The following RBM20 variants were observed in gnomAD, a reference collection of about 807,000 sequenced individuals.
The protein encoded by RBM20 is RNA binding motif protein 20.
RBM20 carries 51 observed loss-of-function variants against 110.1 expected under a neutral mutation model. That is an observed-to-expected ratio of 0.46 (90% CI 0.37 to 0.59). The LOEUF (loss-of-function observed/expected upper bound fraction) is 0.59, where lower values mean the gene tolerates loss of function less well. Among genes scored for constraint, RBM20 ranks in the 20% least tolerant of loss-of-function variants. RBM20 has a pLI of 0.00. For synonymous variants in RBM20, 589 were observed against 618.2 expected (o/e 0.95, Z 0.70); for missense variants, 1,512 against 1,574.9 (o/e 0.96, Z 0.68).
intron 1 of RBM20, among the ~76,000 whole-genome samples, chr10:110,684,119 G>T (rs1232133909): frequency 1.3e-5 from 2 of 152,194 alleles, no homozygotes; most frequent in African/African-American, 4.8e-5. Context: ...TTTGGGATGG[G>T]CGCAGTGGCT....
intron 1 of RBM20, among the ~76,000 whole-genome samples, chr10:110,702,395 G>C (rs1862772744): frequency 6.6e-6 from 1 of 152,188 alleles, no homozygotes; most frequent in Admixed American, 6.5e-5. Flanking sequence ...AATTTGCTGA[G>C]TGAGATGGTA....
intron 1 of RBM20, among the ~76,000 whole-genome samples, chr10:110,682,858 T>C (rs7087576): frequency 0.94 from 142,749 of 152,336 alleles, 67,590 homozygotes; most frequent in East Asian, 1. Flanking sequence ...AGCTTGCCTA[T>C]AATAGTTATC....
chr10:110,767,281 G>C (rs1564839770), intron 1 of RBM20, among the ~76,000 whole-genome samples: 1 of 142,426 alleles, frequency 7.0e-6, no homozygotes. Context: ...CTTCCCAGTA[G>C]GGGCGGCCGG....
intron 1 of RBM20, among the ~76,000 whole-genome samples, chr10:110,757,916 T>G (rs774268267): frequency 7.3e-5 from 11 of 151,440 alleles, no homozygotes; most frequent in Non-Finnish European, 1.3e-4. Flanking sequence ...TAGACCCTAC[T>G]GTGAGTTGTT....
intron 12 of RBM20, among the ~76,000 whole-genome samples, chr10:110,825,206 C>A (rs1590703898): frequency 6.6e-6 from 1 of 152,170 alleles, no homozygotes; most frequent in Non-Finnish European, 1.5e-5. Flanking sequence ...GAAGAGAGGG[C>A]TCCTTCATGC....
In RBM20 at chr10:110,812,506, G is replaced by C. The variant is rs988797559; in HGVS notation, c.2109G>C (p.Arg703Ser). ...ACAACGGAGATGACAAGAGGGACAG[G>C]ATGGACCCCTGGGCACATGATCGCA... ...WRDNGDDKRD[R>S]MDPWAHDRKH... Residue 703 changes from arginine to serine, a missense_variant, in exon 9 of 14, where the codon AGG (arginine) becomes AGC (serine). Around this residue, in one of 3 missense-constraint regions of RBM20, gnomAD observed 1,149 missense variants for 1,169.4 expected, o/e 0.98. Transcript: ENST00000369519. 3 of 1,551,608 alleles carry C rather than the reference G, an allele frequency of 1.9e-6. No homozygotes were observed. In the African/African-American group the frequency reaches 4.1e-5, roughly 21 times the overall value.
intron 1 of RBM20, among the ~76,000 whole-genome samples, chr10:110,687,944 G>C (rs576796979): frequency 6.6e-6 from 1 of 151,572 alleles, no homozygotes; most frequent in East Asian, 1.9e-4. Flanking sequence ...CAACATCCTA[G>C]AAGTCCTCCT....
chr10:110,707,115 G>A (rs1019952832), intron 1 of RBM20, among the ~76,000 whole-genome samples: 3 of 152,140 alleles, frequency 2.0e-5, no homozygotes, highest in Non-Finnish European at 4.4e-5. Flanking sequence ...AAGTGATAAG[G>A]CTTTCTTTTC....
intron 7 of RBM20, among the ~76,000 whole-genome samples, chr10:110,802,353 A>G (rs1487001515): frequency 2.7e-5 from 4 of 147,494 alleles, no homozygotes; most frequent in East Asian, 2.0e-4. Flanking sequence ...AAATTCCTTT[A>G]CTAACAGTTC....
chr10:110,695,173 T>A (rs1242633711), intron 1 of RBM20, among the ~76,000 whole-genome samples: 1 of 152,200 alleles, frequency 6.6e-6, no homozygotes, highest in African/African-American at 2.4e-5. Context: ...GCTGAGTGGA[T>A]GACCCAAAGA....
intron 1 of RBM20, among the ~76,000 whole-genome samples, chr10:110,744,210 C>T (rs570351678): frequency 1.4e-4 from 21 of 152,238 alleles, no homozygotes; most frequent in Non-Finnish European, 2.4e-4. Context: ...CACGAAATAG[C>T]GCCTGTCAAT....
chr10:110,810,844 T>C (rs901567519), intron 8 of RBM20, among the ~76,000 whole-genome samples: 3 of 116,638 alleles, frequency 2.6e-5, no homozygotes, highest in Middle Eastern at 4.5e-3. Context: ...TGCATGTGTG[T>C]GCGTGTGTGT....
intron 5 of RBM20, among the ~76,000 whole-genome samples, chr10:110,789,454 G>GTTAT (rs1243675229): frequency 1.1e-4 from 16 of 146,362 alleles, no homozygotes; most frequent in African/African-American, 1.5e-4. Context: ...CCTTTTTATT[G>GTTAT]TTATTTATTT....
At chr10:110,724,166 T>C (rs1202702741) in intron 1 of RBM20, among the ~76,000 whole-genome samples, 1 of 152,048 alleles carries the variant, frequency 6.6e-6, no homozygotes, top group Non-Finnish European at 1.5e-5. Context: ...ACAAATCCCG[T>C]CTGCCAGTGT....
At chr10:110,756,330 T>C (rs1228099721) in intron 1 of RBM20, 1 of 152,232 alleles carries the variant, frequency 6.6e-6, no homozygotes, top group African/African-American at 2.4e-5. Flanking sequence ...TTCTCCTCTG[T>C]GGAAAGCACC....
At chr10:110,698,441 G>T (rs185104888) in intron 1 of RBM20, among the ~76,000 whole-genome samples, 1 of 152,204 alleles carries the variant, frequency 6.6e-6, no homozygotes, top group Non-Finnish European at 1.5e-5. Context: ...AGCCTGGCAG[G>T]AACCCTGCCT....
At chr10:110,646,457 T>C (rs1005455785) in intron 1 of RBM20, among the ~76,000 whole-genome samples, 2 of 152,206 alleles carry the variant, frequency 1.3e-5, no homozygotes, top group Non-Finnish European at 2.9e-5. Context: ...CCCTTCTACT[T>C]GAAGGGCAGG....
chr10:110,663,795 C>T (rs1385213346), intron 1 of RBM20, among the ~76,000 whole-genome samples: 3 of 152,036 alleles, frequency 2.0e-5, no homozygotes, highest in African/African-American at 4.8e-5. Flanking sequence ...TATATCTTAC[C>T]GTCAACGTGA....
At chr10:110,667,987 G>A (rs1862203967) in intron 1 of RBM20, among the ~76,000 whole-genome samples, 2 of 152,190 alleles carry the variant, frequency 1.3e-5, no homozygotes, top group Admixed American at 1.3e-4. Flanking sequence ...TTTATTAATA[G>A]AACATGCTGC....
Sources: allele counts gnomAD v4.1 joint callset (sites outside exome capture counted in the v4.1 genomes callset), GRCh38; gene constraint gnomAD v4.1.1; regional missense constraint gnomAD v4.1.1; transcripts MANE v1.5; gene names NCBI Gene and HGNC (gene_info 2026-07-23, HGNC 2026-07-21).